ZNF517: variants seen among roughly 807,000 people sequenced by gnomAD.
ZNF517 encodes the protein zinc finger protein 517.
A neutral mutation model predicts 12.1 loss-of-function variants in ZNF517; 12 were observed. The observed-to-expected ratio is 0.99, with a 90% CI of 0.63 to 1.61. The LOEUF is 1.61. Among genes scored for constraint, ZNF517 ranks in the 40% most tolerant of loss-of-function variants. The probability of loss-of-function intolerance (pLI) is 0.00; values close to 1 mark genes in which losing one functional copy is unlikely to be tolerated. For missense variants in ZNF517, 781 were observed against 693.2 expected, an observed-to-expected ratio of 1.13 and a Z score of -1.42; for synonymous variants, 388 against 310.2, an observed-to-expected ratio of 1.25 and a Z score of -2.63.
chr8:144,806,925 A>T (rs574687769), intron 4 of ZNF517, among the ~76,000 whole-genome samples: 86 of 151,416 alleles, frequency 5.7e-4, no homozygotes, highest in African/African-American at 2.0e-3. Flanking sequence ...AAAAATATAT[A>T]CAAGTTTTGT....
chr8:144,802,718 A>T, intron 1 of ZNF517, 152 bp from the exon 2 acceptor site: 1 of 974,520 alleles, frequency 1.0e-6, no homozygotes, highest in South Asian at 4.7e-5. Flanking sequence ...AGAAGCTTGG[A>T]TACACCTCCT....
intron 4 of ZNF517, among the ~76,000 whole-genome samples, chr8:144,806,472 T>C (rs1029427727): frequency 6.6e-6 from 1 of 151,974 alleles, no homozygotes; most frequent in Admixed American, 6.6e-5. Flanking sequence ...ACCCTGATTT[T>C]ATTTTATTTT....
At chr8:144,804,322 C>A in intron 4 of ZNF517, 84 bp downstream of exon 4, 1 of 961,930 alleles carries the variant, frequency 1.0e-6, no homozygotes, top group Non-Finnish European at 1.5e-6. Context: ...CCTTCTTCTA[C>A]AGTGGGAGGT....
chr8:144,799,197 C>T (rs899230458), intron 1 of ZNF517, among the ~76,000 whole-genome samples: 6 of 152,138 alleles, frequency 3.9e-5, no homozygotes, highest in Non-Finnish European at 7.4e-5. Flanking sequence ...GACGGTTGCG[C>T]AGAGATGAGG....
intron 3 of ZNF517, 55 bp downstream of exon 3, chr8:144,803,822 A>G: frequency 1.3e-6 from 2 of 1,583,464 alleles, no homozygotes; most frequent in Non-Finnish European, 1.7e-6. Flanking sequence ...TGTTAGCTTC[A>G]AAGGAAGTTG....
chr8:144,807,495 C>A lies in ZNF517; in HGVS notation c.579C>A (p.Leu193=). 1 of 1,588,354 alleles carries A rather than the reference C, an allele frequency of 6.3e-7. No individual in the cohort carries two copies. Among genetic ancestry groups the A allele is most frequent in the Non-Finnish European group, 8.6e-7 (1 of 1,167,992 alleles). Residue 193 remains leucine, a synonymous_variant, in exon 5 of 5, where the codon CTC becomes CTA. Transcript: ENST00000359971. ...GKAFRYNSLL[L]RHQIIHTGAK... ...CGTTCAGATACAACTCGCTGCTTCTCAGGCACCAGATCATCCACACCGGCG... is the reference window on the plus strand; with the variant it reads ...CGTTCAGATACAACTCGCTGCTTCTAAGGCACCAGATCATCCACACCGGCG...
Position 144,808,419 on chromosome 8 carries a change from T to G in ZNF517, c.*24T>G. 1 of 1,446,318 alleles carries G rather than the reference T, an allele frequency of 6.9e-7. No homozygotes were observed. The highest frequency in any genetic ancestry group is 2.6e-5 in the East Asian group (1 of 38,884). 89.6% of individuals were successfully genotyped at this position (1,446,318 alleles called of 1,614,324 possible). A position where few individuals can be genotyped will look rare whatever the true frequency, so the allele number is the denominator to read the frequency against. Reference sequence around the variant, plus strand: ...GATGACGGGGACGACAGGCCGAGGATTCACGCTGGAAGCCCACCCAAGCCG... The same window carrying G: ...GATGACGGGGACGACAGGCCGAGGAGTCACGCTGGAAGCCCACCCAAGCCG... On this transcript the variant is annotated 3_prime_UTR_variant, in exon 5 of 5. Coordinates refer to ENST00000359971, the MANE Select transcript of ZNF517 (RefSeq NM_213605.3).
At chr8:144,801,232 G>C (rs1490875781) in intron 1 of ZNF517, among the ~76,000 whole-genome samples, 1 of 152,224 alleles carries the variant, frequency 6.6e-6, no homozygotes, top group Non-Finnish European at 1.5e-5. Context: ...GATAGCCCCG[G>C]AGACCTTCAC....
At position 144,807,958 on chromosome 8, in the gene ZNF517, G is replaced by A. The variant is rs556939144; in HGVS notation, c.1042G>A (p.Gly348Ser). The change falls in exon 5 of 5, where the codon GGC becomes AGC. Residue 348 changes from glycine to serine, a missense_variant. By Grantham distance (56) the Gly-to-Ser change is moderately conservative (BLOSUM62 0). Coordinates refer to ENST00000359971, the MANE Select transcript of ZNF517 (RefSeq NM_213605.3). ...CGCGCAGGAGGGTGCCCAGGACGGCGGCGTGGGGCAGGGCGCCCTGCTCGG... is the reference window on the plus strand; with the variant it reads ...CGCGCAGGAGGGTGCCCAGGACGGCAGCGTGGGGCAGGGCGCCCTGCTCGG... ...LHAQEGAQDG[G>S]VGQGALLGAA... The A allele has an allele frequency of 8.0e-6, 12 of 1,503,894 alleles. No individual in the cohort carries two copies. The African/African-American group carries it at 8.3e-5, about 10-fold the overall frequency. 93.2% of individuals were successfully genotyped at this position (1,503,894 alleles called of 1,614,324 possible).
downstream of ZNF517, among the ~76,000 whole-genome samples, chr8:144,813,309 CTG>C (rs1827606653): frequency 9.8e-6 from 1 of 101,808 alleles, no homozygotes; most frequent in Admixed American, 1.2e-4. Context: ...GAGCCGGACT[CTG>C]TCTCAAAAAA....
intron 1 of ZNF517, among the ~76,000 whole-genome samples, chr8:144,801,201 G>T (rs996837450): frequency 2.6e-5 from 4 of 152,152 alleles, no homozygotes; most frequent in Non-Finnish European, 5.9e-5. Context: ...CTACTTAGAC[G>T]GCTCCAGCTC....
rs1014542388 is a variant in ZNF517 at position 144,807,440 on chromosome 8, C to T, written c.524C>T (p.Ala175Val). Residue 175 changes from alanine to valine, a missense_variant, in exon 5 of 5, where the codon GCC becomes GTC. Transcript: ENST00000359971. ...EDLGRPVGSS[A>V]PRYRCVCGKA... ...CTGGGCCGGCCTGTGGGGAGCTCAG[C>T]CCCCCGCTACAGGTGCGTGTGCGGC... is the stretch of plus-strand genomic sequence containing the variant. The T allele has an allele frequency of 1.9e-6, 3 of 1,572,596 alleles. No homozygotes were observed. The highest frequency in any genetic ancestry group is 1.2e-5 in the South Asian group (1 of 86,408).
chr8:144,801,265 C>G (rs529981628), intron 1 of ZNF517, among the ~76,000 whole-genome samples: 22 of 152,298 alleles, frequency 1.4e-4, no homozygotes, highest in Admixed American at 1.4e-3. Context: ...GCTCAAGTGT[C>G]TGTTGAAGGG....
At chr8:144,804,763 G>A (rs186488224) in intron 4 of ZNF517, among the ~76,000 whole-genome samples, 108 of 152,332 alleles carry the variant, frequency 7.1e-4, no homozygotes, top group African/African-American at 2.5e-3. Context: ...TGAGTCACAT[G>A]TTCACCGGAC....
chr8:144,812,709 C>T (rs2130481497), downstream of ZNF517, among the ~76,000 whole-genome samples: 1 of 152,328 alleles, frequency 6.6e-6, no homozygotes, highest in Admixed American at 6.5e-5. Flanking sequence ...ACACCTCAGC[C>T]TTCTCAAAGC....
Position 144,807,429 on chromosome 8 carries a change from G to T in ZNF517, c.513G>T (p.Val171=). ...TGCAGGAAGACCTGGGCCGGCCTGT[G>T]GGGAGCTCAGCCCCCCGCTACAGGT... ...RVLQEDLGRP[V]GSSAPRYRCV... Residue 171 remains valine, a synonymous_variant, in exon 5 of 5, where the codon GTG becomes GTT. Transcript: ENST00000359971. The T allele has an allele frequency of 6.4e-7, 1 of 1,570,450 alleles. No homozygotes were observed. The highest frequency in any genetic ancestry group is 1.7e-4 in the Middle Eastern group (1 of 6,010).
chr8:144,803,395 A>G, intron 2 of ZNF517: 1 of 534,392 alleles, frequency 1.9e-6, no homozygotes, highest in Non-Finnish European at 3.3e-6. Context: ...CAAGGTTGGG[A>G]CCCCCTTCCT....
At chr8:144,800,498 A>C in intron 1 of ZNF517, 1 of 985,210 alleles carries the variant, frequency 1.0e-6, no homozygotes, top group African/African-American at 1.7e-5. Flanking sequence ...GGAGGGTGGT[A>C]TGTGTTGAGG....
At chr8:144,813,309 C>T (rs1187129270), downstream of ZNF517, among the ~76,000 whole-genome samples, 2 of 101,808 alleles carry the variant, frequency 2.0e-5, no homozygotes, top group African/African-American at 4.5e-5. Flanking sequence ...GAGCCGGACT[C>T]TGTCTCAAAA....
Sources: gnomAD v4.1 joint callset for allele counts (sites outside exome capture counted in the v4.1 genomes callset) on GRCh38, gnomAD v4.1.1 for gene constraint, MANE v1.5 for transcripts, NCBI Gene and HGNC (gene_info 2026-07-23, HGNC 2026-07-21) for gene names.